The following ERC1 variants were observed in gnomAD, a reference collection of about 807,000 sequenced individuals.
The protein encoded by ERC1 is RAB6 interacting protein 2.
ERC1 carries 56 observed loss-of-function variants against 132.0 expected under a neutral mutation model. The observed-to-expected ratio is 0.42, with a 90% CI of 0.34 to 0.53. The LOEUF (loss-of-function observed/expected upper bound fraction) is 0.53. Among genes scored for constraint, ERC1 ranks in the 20% least tolerant of loss-of-function variants. The pLI, the probability that ERC1 is intolerant of heterozygous loss-of-function variation, is 0.03. For synonymous variants in ERC1, 478 were observed against 476.1 expected, an observed-to-expected ratio of 1.00 and a Z score of -0.05; for missense variants, 1,202 against 1,349.9, an observed-to-expected ratio of 0.89 and a Z score of 1.72.
At chr12:1,421,927 G>A (rs1278011298) in intron 17 of ERC1, among the ~76,000 whole-genome samples, 1 of 152,126 alleles carries the variant, frequency 6.6e-6, no homozygotes, top group Non-Finnish European at 1.5e-5. Flanking sequence ...TTGGGAAGCT[G>A]AGGCAGGAGA....
intron 7 of ERC1, among the ~76,000 whole-genome samples, chr12:1,119,683 T>C (rs753061793): frequency 5.9e-5 from 9 of 151,994 alleles, no homozygotes; most frequent in Non-Finnish European, 1.2e-4. Flanking sequence ...CCCGAGTAGC[T>C]GGGATTATAG....
chr12:1,441,128 G>A (rs1334253200), intron 17 of ERC1, among the ~76,000 whole-genome samples: 5 of 150,888 alleles, frequency 3.3e-5, no homozygotes, highest in Admixed American at 6.6e-5. Flanking sequence ...GTGCGATCTC[G>A]GCTCACTGCA....
intron 1 of ERC1, among the ~76,000 whole-genome samples, chr12:1,007,265 C>T (rs1279774946): frequency 1.3e-5 from 2 of 152,088 alleles, no homozygotes; most frequent in African/African-American, 4.8e-5. Flanking sequence ...AATGGCAAGA[C>T]TTTGGAGACT....
chr12:1,062,124 C>T (rs1034555502), intron 2 of ERC1, among the ~76,000 whole-genome samples: 1 of 151,312 alleles, frequency 6.6e-6, no homozygotes, highest in Admixed American at 6.6e-5. Flanking sequence ...GCTGGGACTA[C>T]AGGCACCCAC....
chr12:1,349,996 G>A (rs2084857357), intron 15 of ERC1, among the ~76,000 whole-genome samples: 1 of 152,218 alleles, frequency 6.6e-6, no homozygotes, highest in Non-Finnish European at 1.5e-5. Flanking sequence ...ATTGAGGAGG[G>A]AAACCAGGTT....
At chr12:1,002,155 CCCGGCTTTTTTTTTTTT>C (rs1345510765) in intron 1 of ERC1, among the ~76,000 whole-genome samples, 32 of 130,438 alleles carry the variant, frequency 2.5e-4, no homozygotes, top group African/African-American at 8.2e-4. Flanking sequence ...AGCCACCATG[CCCGGCTTTTTTTTTTTT>C]TTTTTTTTTT....
chr12:1,064,561 T>G (rs916538282), intron 2 of ERC1, among the ~76,000 whole-genome samples: 2 of 152,108 alleles, frequency 1.3e-5, no homozygotes, highest in Non-Finnish European at 2.9e-5. Context: ...CCCTGGCTAC[T>G]TTTTACATTT....
In ERC1 at chr12:1,083,439, G is replaced by A. The variant is rs1031871154; in HGVS notation, c.945G>A (p.Met315Ile). The A allele has an allele frequency of 6.2e-7, 1 of 1,614,214 alleles. No individual in the cohort carries two copies. The highest frequency in any genetic ancestry group is 8.5e-7 in the Non-Finnish European group (1 of 1,180,038). ...RDESIKKLLEMLQSKGLSAKA... is the reference protein window; with the variant it reads ...RDESIKKLLEILQSKGLSAKA... ...AATCCATTAAGAAGCTTCTGGAAAT[G>A]TTGCAGAGCAAAGGACTTTCTGCCA... Residue 315 changes from methionine (M) to isoleucine (I), a missense_variant, in exon 3 of 19, where the codon ATG becomes ATA. By Grantham distance (10) the Met-to-Ile change is conservative. Coordinates refer to ENST00000360905, the MANE Select transcript of ERC1 (RefSeq NM_178040.4).
At chr12:1,406,608 T>C (rs1303490061) in intron 16 of ERC1, among the ~76,000 whole-genome samples, 1 of 152,224 alleles carries the variant, frequency 6.6e-6, no homozygotes, top group African/African-American at 2.4e-5. Flanking sequence ...ATGATTTTTC[T>C]TTCTTTTCTC....
At chr12:1,143,849 A>G (rs1257578191) in intron 8 of ERC1, among the ~76,000 whole-genome samples, 2 of 151,958 alleles carry the variant, frequency 1.3e-5, no homozygotes, top group African/African-American at 4.8e-5. Flanking sequence ...ATAAAGTGTT[A>G]TATTTTTCAT....
chr12:1,128,052 T>A (rs1189878719), intron 7 of ERC1, among the ~76,000 whole-genome samples: 1 of 152,168 alleles, frequency 6.6e-6, no homozygotes, highest in African/African-American at 2.4e-5. Context: ...CAGGTTTGAG[T>A]TTGAATAGAC....
chr12:1,314,918 C>G (rs1313316507), intron 15 of ERC1, among the ~76,000 whole-genome samples: 1 of 152,208 alleles, frequency 6.6e-6, no homozygotes, highest in Non-Finnish European at 1.5e-5. Context: ...TCCCAACTTT[C>G]AGAAGTAGTT....
intron 15 of ERC1, among the ~76,000 whole-genome samples, chr12:1,293,504 C>T (rs61912049): frequency 3.2e-5 from 3 of 92,532 alleles, no homozygotes; most frequent in African/African-American, 1.2e-4. Flanking sequence ...TGGCGTGCGC[C>T]TGTAATCCCA....
intron 12 of ERC1, among the ~76,000 whole-genome samples, chr12:1,197,693 A>T (rs1270351501): frequency 6.6e-6 from 1 of 152,194 alleles, no homozygotes; most frequent in African/African-American, 2.4e-5. Flanking sequence ...AGCTATTGTC[A>T]TTTCATTTAT....
At chr12:1,272,079 G>A (rs2077896372) in intron 14 of ERC1, among the ~76,000 whole-genome samples, 1 of 152,194 alleles carries the variant, frequency 6.6e-6, no homozygotes, top group Non-Finnish European at 1.5e-5. Context: ...AACCTTGGTT[G>A]GAATTAGGCT....
Position 1,493,531 on chromosome 12 carries a change from T to TAAAAAAAAA in ERC1, c.*3311_*3319dup, listed in dbSNP as rs771102189. On this transcript the variant is annotated 3_prime_UTR_variant, in exon 19 of 19. Coordinates refer to ENST00000360905, the MANE Select transcript of ERC1 (RefSeq NM_178040.4). ...CAGCCTGGGTGACAGAGACTCCATTTAAAAAAAAAAAAAAAAAATATATAT... is the reference window on the plus strand; with the variant it reads ...CAGCCTGGGTGACAGAGACTCCATTTAAAAAAAAAAAAAAAAAAAAAAAAAAATATATAT... The TAAAAAAAAA allele has an allele frequency of 7.1e-5, 3 of 42,382 alleles. No homozygotes were observed. Among genetic ancestry groups the TAAAAAAAAA allele is most frequent in the African/African-American group, 8.9e-5 (1 of 11,212 alleles). 2.6% of individuals were successfully genotyped at this position (42,382 alleles called of 1,614,324 possible). A position where few individuals can be genotyped will look rare whatever the true frequency, so the allele number is the denominator to read the frequency against.
At chr12:993,601 A>G (rs964442445) in intron 1 of ERC1, among the ~76,000 whole-genome samples, 1 of 152,222 alleles carries the variant, frequency 6.6e-6, no homozygotes, top group Non-Finnish European at 1.5e-5. Context: ...TAATACTGCA[A>G]ACTTAAAAGT....
chr12:1,304,779 CTTT>C (rs1186965322), intron 15 of ERC1, among the ~76,000 whole-genome samples: 35 of 70,062 alleles, frequency 5.0e-4, no homozygotes, highest in African/African-American at 1.6e-3. Context: ...TGTTGTAACT[CTTT>C]TTTTTTTTTT....
Position 1,492,496 on chromosome 12 carries a change from C to G in ERC1, c.*2266C>G, listed in dbSNP as rs181920205. ...TCTCTCCAAGCAGGTGGCCCAGATC[C>G]CACCCACGTGGACTTTCTCATCAGG... On this transcript the variant is annotated 3_prime_UTR_variant, in exon 19 of 19. Transcript: ENST00000360905. 8 of 233,152 alleles carry G rather than the reference C, an allele frequency of 3.4e-5. No homozygotes were observed. Among genetic ancestry groups the G allele is most frequent in the Non-Finnish European group, 5.9e-5 (7 of 118,072 alleles). 14.4% of individuals were successfully genotyped at this position (233,152 alleles called of 1,614,324 possible).
Sources: gnomAD v4.1 joint callset for allele counts (sites outside exome capture counted in the v4.1 genomes callset) on GRCh38, gnomAD v4.1.1 for gene constraint, MANE v1.5 for transcripts, NCBI Gene and HGNC (gene_info 2026-07-23, HGNC 2026-07-21) for gene names.